MAST4: variants seen among roughly 807,000 people sequenced by gnomAD.
MAST4 encodes microtubule associated serine/threonine kinase family member 4, also known as microtubule-associated serine/threonine-protein kinase 4.
Under a neutral mutation model 162.7 loss-of-function variants are expected in MAST4, and 89 were observed. The ratio of observed to expected loss-of-function variants is 0.55; its 90% CI spans 0.46 to 0.65. The LOEUF (loss-of-function observed/expected upper bound fraction) is 0.65, where lower values mean the gene tolerates loss of function less well. MAST4 is among the 30% of genes least tolerant of loss of function. MAST4 has a pLI of 0.00. For missense variants in MAST4, 3,153 were observed against 3,374.0 expected, an observed-to-expected ratio of 0.93 and a Z score of 1.62; for synonymous variants, 1,479 against 1,361.1, an observed-to-expected ratio of 1.09 and a Z score of -1.91.
chr5:66,705,435 G>A (rs62359998), intron 1 of MAST4, among the ~76,000 whole-genome samples: 42,937 of 152,040 alleles, frequency 0.28, 6,268 homozygotes, highest in African/African-American at 0.32. Flanking sequence ...AGATATAAAT[G>A]ATAAAAGGAA....
At chr5:66,699,861 G>A (rs1749651977) in intron 1 of MAST4, among the ~76,000 whole-genome samples, 1 of 152,158 alleles carries the variant, frequency 6.6e-6, no homozygotes, top group South Asian at 2.1e-4. Context: ...AAACCACCGT[G>A]GCACACATTT....
chr5:66,630,562 T>A lies in MAST4; in HGVS notation c.363+33544T>A, dbSNP rs141200795. 1.6e-3 allele frequency among the ~76,000 whole-genome samples: 251 copies of A among 152,276 alleles called. 2 individuals carry two copies. Among genetic ancestry groups the A allele is most frequent in the African/African-American group, 5.9e-3 (245 of 41,550 alleles). ...TTATAAAACAAATTTACAAACACTTTAGAGTTTATGTTGAAATTTAAAGTA... is the reference window on the plus strand; with the variant it reads ...TTATAAAACAAATTTACAAACACTTAAGAGTTTATGTTGAAATTTAAAGTA... On this transcript the variant is annotated intron_variant, in intron 1 of 28. Coordinates refer to ENST00000403625, the MANE Select transcript of MAST4 (RefSeq NM_001164664.2).
chr5:66,850,388 C>T (rs776652147), intron 3 of MAST4, among the ~76,000 whole-genome samples: 1 of 152,182 alleles, frequency 6.6e-6, no homozygotes, highest in Non-Finnish European at 1.5e-5. Flanking sequence ...TTTGTTTGTT[C>T]GCTCTGTCTG....
intron 4 of MAST4, among the ~76,000 whole-genome samples, chr5:67,012,095 A>G (rs1284116787): frequency 6.6e-6 from 1 of 152,144 alleles, no homozygotes; most frequent in Non-Finnish European, 1.5e-5. Context: ...TGGGTAGAAC[A>G]TTATATTCTC....
chr5:66,635,986 T>C, intron 1 of MAST4, among the ~76,000 whole-genome samples: 1 of 115,290 alleles, frequency 8.7e-6, no homozygotes, highest in African/African-American at 3.4e-5. Context: ...CGAGACAGAG[T>C]CTTGCTCTGT....
intron 3 of MAST4, among the ~76,000 whole-genome samples, chr5:66,840,258 C>G (rs1171530423): frequency 6.6e-6 from 1 of 152,036 alleles, no homozygotes. Flanking sequence ...TTTATCTTAA[C>G]ATTTTTCATG....
At chr5:66,797,914 G>A (rs1441471960) in intron 3 of MAST4, among the ~76,000 whole-genome samples, 1 of 152,142 alleles carries the variant, frequency 6.6e-6, no homozygotes, top group East Asian at 1.9e-4. Context: ...GGAACCACCT[G>A]AAAACTCAGA....
chr5:67,116,213 G>T (rs1766895562), intron 12 of MAST4, among the ~76,000 whole-genome samples: 1 of 150,942 alleles, frequency 6.6e-6, no homozygotes, highest in Non-Finnish European at 1.5e-5. Flanking sequence ...TGTTTGTTTT[G>T]TTTTGTTTTG....
intron 3 of MAST4, among the ~76,000 whole-genome samples, chr5:66,886,992 A>C (rs1458042475): frequency 6.6e-6 from 1 of 152,114 alleles, no homozygotes; most frequent in Non-Finnish European, 1.5e-5. Flanking sequence ...AACAAAATTT[A>C]GTCTTTAGGA....
chr5:67,136,022 CTGTTTGTTTGTT>C (rs3071868), intron 18 of MAST4, among the ~76,000 whole-genome samples: 2 of 151,652 alleles, frequency 1.3e-5, no homozygotes, highest in African/African-American at 4.9e-5. Flanking sequence ...GCACTTTGAC[CTGTTTGTTTGTT>C]TGTTTGTTTG....
intron 2 of MAST4, among the ~76,000 whole-genome samples, chr5:66,762,748 C>G (rs1440435649): frequency 6.6e-6 from 1 of 152,196 alleles, no homozygotes; most frequent in Non-Finnish European, 1.5e-5. Context: ...AACAACTGAC[C>G]ACCTTCTCAT....
intron 15 of MAST4, 77 bp downstream of exon 15, chr5:67,130,495 G>A (rs1561694162): frequency 1.4e-6 from 2 of 1,455,072 alleles, no homozygotes; most frequent in Non-Finnish European, 1.9e-6. Flanking sequence ...GTCTGTATTT[G>A]TGCCACATAA....
chr5:67,066,361 T>A (rs959918303), intron 5 of MAST4, among the ~76,000 whole-genome samples: 14 of 151,394 alleles, frequency 9.2e-5, no homozygotes, highest in African/African-American at 3.4e-4. Flanking sequence ...TTTGAATGTA[T>A]GTCTGTGCAT....
intron 1 of MAST4, among the ~76,000 whole-genome samples, chr5:66,654,531 A>C (rs985540005): frequency 3.3e-5 from 5 of 152,240 alleles, no homozygotes; most frequent in Admixed American, 2.0e-4. Flanking sequence ...GAGATAAGGG[A>C]AATGTTCAGG....
chr5:66,893,662 T>C (rs527840374), intron 3 of MAST4, among the ~76,000 whole-genome samples: 3 of 152,324 alleles, frequency 2.0e-5, no homozygotes, highest in African/African-American at 7.2e-5. Context: ...CATCTCACAT[T>C]TCCCACAAGG....
chr5:67,006,656 TGGAG>T (rs1278735836), intron 4 of MAST4, among the ~76,000 whole-genome samples: 58 of 152,322 alleles, frequency 3.8e-4, no homozygotes, highest in Admixed American at 1.4e-3. Context: ...GTAGAGCAGT[TGGAG>T]CCTTTCTTCT....
intron 3 of MAST4, among the ~76,000 whole-genome samples, chr5:66,879,080 C>T (rs1180727089): frequency 6.6e-6 from 1 of 152,126 alleles, no homozygotes; most frequent in Non-Finnish European, 1.5e-5. Context: ...GAGATGGCGA[C>T]CATCCTGGCC....
In MAST4 at chr5:66,618,218, A is replaced by C. The variant is rs4379152; in HGVS notation, c.363+21200A>C. Among the ~76,000 whole-genome samples, 4 of 152,286 alleles carry C rather than the reference A, an allele frequency of 2.6e-5. No individual in the cohort carries two copies. The East Asian group carries it at 5.8e-4, about 22-fold the overall frequency. ...CGCAGGAACTACGCTAGATGTTTGC[A>C]TGCATCAGCCCTTTGATCCTCACAG... On this transcript the variant is annotated intron_variant, in intron 1 of 28. Transcript: ENST00000403625.
intron 26 of MAST4, among the ~76,000 whole-genome samples, chr5:67,156,875 C>T (rs998177538): frequency 4.0e-4 from 61 of 152,302 alleles, no homozygotes; most frequent in African/African-American, 1.4e-3. Context: ...AGAGCCAGAC[C>T]CAGAGAAGAA....
Sources: gnomAD v4.1 joint callset for allele counts (sites outside exome capture counted in the v4.1 genomes callset) on GRCh38, gnomAD v4.1.1 for gene constraint, MANE v1.5 for transcripts, NCBI Gene and HGNC (gene_info 2026-07-23, HGNC 2026-07-21) for gene names.